The following ACCSL variants were observed in gnomAD, a reference collection of about 807,000 sequenced individuals.
The protein encoded by ACCSL is 1-aminocyclopropane-1-carboxylate synthase homolog (inactive) like.
In ACCSL, 55 loss-of-function variants were observed where a neutral mutation model predicts 61.7. The observed-to-expected ratio is 0.89, with a 90% CI of 0.72 to 1.12. The LOEUF is 1.12. Ranked by LOEUF, ACCSL falls within the 50% of genes most tolerant of loss-of-function variation. ACCSL has a pLI of 0.00. For missense variants in ACCSL, 632 were observed against 698.0 expected (o/e 0.91, Z 1.07); for synonymous variants, 258 against 264.3 (o/e 0.98, Z 0.23).
the ACCSL span, among the ~76,000 whole-genome samples, chr11:43,954,865 G>A: frequency 2.0e-5 from 3 of 152,238 alleles, no homozygotes; most frequent in Middle Eastern, 3.4e-3. Context: ...AATTACAGGC[G>A]TGAGCCACCG....
At chr11:43,933,263 G>A in the ACCSL span, 3 of 433,948 alleles carry the variant, frequency 6.9e-6, no homozygotes, top group Non-Finnish European at 1.4e-5. Context: ...ACTAGCTGGT[G>A]GATGTCCCTG....
chr11:44,013,383 G>A, the ACCSL span, among the ~76,000 whole-genome samples: 3 of 152,134 alleles, frequency 2.0e-5, no homozygotes, highest in South Asian at 6.2e-4. Flanking sequence ...GGATTCAAGC[G>A]ATTCTCCTGC....
chr11:44,044,349 C>G (rs1484468661), upstream of ACCSL, among the ~76,000 whole-genome samples: 2 of 152,166 alleles, frequency 1.3e-5, no homozygotes, highest in Admixed American at 6.5e-5. Flanking sequence ...TTCTTCTCAT[C>G]TTACATACGG....
chr11:43,933,997 G>A, the ACCSL span, among the ~76,000 whole-genome samples: 21 of 152,210 alleles, frequency 1.4e-4, no homozygotes, highest in East Asian at 1.9e-4. Flanking sequence ...TGGGGCCACC[G>A]GGGCGGGGCA....
At chr11:44,034,340 G>A in the ACCSL span, among the ~76,000 whole-genome samples, 2 of 152,182 alleles carry the variant, frequency 1.3e-5, no homozygotes, top group Non-Finnish European at 2.9e-5. Context: ...CCCTGGCTGA[G>A]CATATTGCTC....
the ACCSL span, among the ~76,000 whole-genome samples, chr11:43,936,011 C>T: frequency 1.3e-5 from 2 of 152,230 alleles, no homozygotes; most frequent in Non-Finnish European, 2.9e-5. Flanking sequence ...GCAGGACCCC[C>T]GATGCTGGGC....
the ACCSL span, among the ~76,000 whole-genome samples, chr11:43,987,877 C>T: frequency 6.6e-6 from 1 of 152,188 alleles, no homozygotes; most frequent in Non-Finnish European, 1.5e-5. Context: ...GTGCGTTTGG[C>T]AGGCAGAGAA....
the ACCSL span, among the ~76,000 whole-genome samples, chr11:44,002,662 C>T: frequency 6.6e-6 from 1 of 152,124 alleles, no homozygotes; most frequent in Admixed American, 6.5e-5. Flanking sequence ...TAGTTGGCAT[C>T]TGGAAAAGGG....
upstream of ACCSL, among the ~76,000 whole-genome samples, chr11:44,047,525 A>G (rs1952606438): frequency 6.6e-6 from 1 of 152,228 alleles, no homozygotes; most frequent in Admixed American, 6.5e-5. Context: ...CAAGACATAA[A>G]TAAATGAATG....
At chr11:44,035,070 C>G in the ACCSL span, among the ~76,000 whole-genome samples, 98 of 152,252 alleles carry the variant, frequency 6.4e-4, no homozygotes, top group African/African-American at 2.3e-3. Flanking sequence ...CTTCCTTCCC[C>G]CAGAGATCCA....
the ACCSL span, among the ~76,000 whole-genome samples, chr11:44,001,794 TGTGTGTGTG>T: frequency 3.6e-4 from 52 of 144,872 alleles, no homozygotes; most frequent in Admixed American, 7.7e-4. Context: ...TGTGTGTGTG[TGTGTGTGTG>T]TGTGTGTGTG....
chr11:43,999,530 G>T, the ACCSL span, among the ~76,000 whole-genome samples: 5 of 152,152 alleles, frequency 3.3e-5, no homozygotes, highest in Admixed American at 3.3e-4. Context: ...ACTGCAGGTG[G>T]TCCTCAGCTC....
At chr11:43,969,726 G>T in the ACCSL span, among the ~76,000 whole-genome samples, 1 of 152,082 alleles carries the variant, frequency 6.6e-6, no homozygotes, top group African/African-American at 2.4e-5. Flanking sequence ...CTTCCCTGGT[G>T]CTGGTCCCCA....
chr11:43,967,167 C>CTTTTTTTTTTTT, the ACCSL span, among the ~76,000 whole-genome samples: 144 of 62,694 alleles, frequency 2.3e-3, 20 homozygotes, highest in African/African-American at 3.3e-3. Context: ...TCTTCTTCTT[C>CTTTTTTTTTTTT]TTTTTTTTTT....
At chr11:44,027,100 T>G in the ACCSL span, among the ~76,000 whole-genome samples, 1 of 152,104 alleles carries the variant, frequency 6.6e-6, no homozygotes, top group Non-Finnish European at 1.5e-5. Flanking sequence ...TACTGGTCTT[T>G]TAATGATTGG....
the ACCSL span, among the ~76,000 whole-genome samples, chr11:43,988,806 CTTTTTTT>C: frequency 0.02 from 1,940 of 97,326 alleles, 38 homozygotes; most frequent in African/African-American, 0.051. Context: ...ATTCTCTCTT[CTTTTTTT>C]TTTTTTTTTT....
At chr11:43,927,942 A>G in the ACCSL span, among the ~76,000 whole-genome samples, 1 of 152,208 alleles carries the variant, frequency 6.6e-6, no homozygotes, top group Non-Finnish European at 1.5e-5. Flanking sequence ...ATTTGTTGAG[A>G]AAACAAGACA....
the ACCSL span, among the ~76,000 whole-genome samples, chr11:43,985,941 C>T: frequency 2.0e-5 from 3 of 151,396 alleles, no homozygotes; most frequent in African/African-American, 4.9e-5. Flanking sequence ...CCAGCCTGGG[C>T]GACAGCGTGA....
the ACCSL span, among the ~76,000 whole-genome samples, chr11:44,018,439 G>T: frequency 6.6e-6 from 1 of 152,182 alleles, no homozygotes; most frequent in Admixed American, 6.5e-5. Flanking sequence ...AGGCAATATA[G>T]TTGGTGCTCA....
Sources: gnomAD v4.1 joint callset for allele counts (sites outside exome capture counted in the v4.1 genomes callset) on GRCh38, gnomAD v4.1.1 for gene constraint, MANE v1.5 for transcripts, NCBI Gene and HGNC (gene_info 2026-07-23, HGNC 2026-07-21) for gene names.